The following PPFIA2 variants were observed in gnomAD, a reference collection of about 807,000 sequenced individuals.
PPFIA2 encodes liprin-alpha-2.
A neutral mutation model predicts 175.5 loss-of-function variants in PPFIA2; 46 were observed. The observed-to-expected ratio is 0.26, with a 90% CI of 0.21 to 0.34. PPFIA2 has a LOEUF of 0.34. Among genes scored for constraint, PPFIA2 ranks in the 10% least tolerant of loss-of-function variants. The pLI is 1.00. For synonymous variants in PPFIA2, 568 were observed against 511.4 expected (o/e 1.11, Z -1.49); for missense variants, 1,179 against 1,506.1 (o/e 0.78, Z 3.60).
intron 4 of PPFIA2, among the ~76,000 whole-genome samples, chr12:81,561,131 A>G (rs571546820): frequency 5.9e-5 from 9 of 152,284 alleles, no homozygotes; most frequent in African/African-American, 1.9e-4. Flanking sequence ...CATTTAAGAT[A>G]ACAGCATCTA....
At chr12:81,726,571 T>TA (rs1269479801) in intron 3 of PPFIA2, among the ~76,000 whole-genome samples, 1 of 151,308 alleles carries the variant, frequency 6.6e-6, no homozygotes, top group Non-Finnish European at 1.5e-5. Flanking sequence ...ATAGTTGAGT[T>TA]AGACACCAGC....
At chr12:81,392,144 G>A (rs2040244754) in intron 8 of PPFIA2, among the ~76,000 whole-genome samples, 1 of 151,880 alleles carries the variant, frequency 6.6e-6, no homozygotes, top group Non-Finnish European at 1.5e-5. Context: ...TTAGACCAGG[G>A]TAATAGGACT....
intron 6 of PPFIA2, among the ~76,000 whole-genome samples, chr12:81,443,556 A>C (rs1053695886): frequency 6.6e-6 from 1 of 152,138 alleles, no homozygotes; most frequent in East Asian, 1.9e-4. Context: ...TACTCACACG[A>C]CCAGGTTATT....
chr12:81,343,869 T>C (rs561593811), intron 19 of PPFIA2, among the ~76,000 whole-genome samples: 96 of 152,112 alleles, frequency 6.3e-4, no homozygotes, highest in Non-Finnish European at 1.2e-3. Flanking sequence ...CCTCTAACCC[T>C]AGGGATAGTT....
rs114608942 is a variant in PPFIA2, at chr12:81,635,949, A to C, written c.303+40842T>G. ...ACACACACACACACACACACACGTG[A>C]AATGTTTGAATTTTAGAAACAAAGA... is the stretch of plus-strand genomic sequence containing the variant. On this transcript the variant is annotated intron_variant, in intron 4 of 32. Transcript: ENST00000549396. Among the ~76,000 whole-genome samples the C allele has an allele frequency of 2.9e-3, 442 of 150,212 alleles. 2 individuals are homozygous for C. The highest frequency in any genetic ancestry group is 0.01 in the African/African-American group (421 of 41,378).
intron 7 of PPFIA2, among the ~76,000 whole-genome samples, chr12:81,413,380 G>A (rs960828755): frequency 1.3e-5 from 2 of 151,762 alleles, no homozygotes; most frequent in African/African-American, 4.8e-5. Context: ...GAACTTGAAG[G>A]TCTTTCAAAT....
At chr12:81,590,617 T>C (rs2058564322) in intron 4 of PPFIA2, among the ~76,000 whole-genome samples, 1 of 151,930 alleles carries the variant, frequency 6.6e-6, no homozygotes, top group Admixed American at 6.6e-5. Flanking sequence ...TGGGAGGTGA[T>C]TGAATTATGG....
At chr12:81,658,875 A>C (rs2068263159) in intron 4 of PPFIA2, among the ~76,000 whole-genome samples, 1 of 152,172 alleles carries the variant, frequency 6.6e-6, no homozygotes, top group Non-Finnish European at 1.5e-5. Flanking sequence ...TCCATTTTTG[A>C]CAAAACTATG....
At chr12:81,723,089 T>C (rs1596835087) in intron 3 of PPFIA2, among the ~76,000 whole-genome samples, 2 of 151,240 alleles carry the variant, frequency 1.3e-5, no homozygotes, top group Non-Finnish European at 1.5e-5. Context: ...AGTGCACATA[T>C]TAAAGCATAT....
chr12:81,469,257 CT>C (rs2056304203), intron 4 of PPFIA2, among the ~76,000 whole-genome samples: 1 of 152,144 alleles, frequency 6.6e-6, no homozygotes, highest in Non-Finnish European at 1.5e-5. Context: ...AAAACTGACA[CT>C]TTGATTATTT....
At chr12:81,455,150 C>G (rs2053363269) in intron 5 of PPFIA2, among the ~76,000 whole-genome samples, 1 of 152,150 alleles carries the variant, frequency 6.6e-6, no homozygotes, top group African/African-American at 2.4e-5. Flanking sequence ...AGCACAACAT[C>G]TAGAAAGAGA....
At chr12:81,676,491 A>G (rs1017451739) in intron 4 of PPFIA2, among the ~76,000 whole-genome samples, 8 of 152,062 alleles carry the variant, frequency 5.3e-5, no homozygotes, top group African/African-American at 1.7e-4. Flanking sequence ...ACTCATATTT[A>G]GAAAAACAAA....
chr12:81,504,507 A>G (rs2060936391), intron 4 of PPFIA2, among the ~76,000 whole-genome samples: 1 of 152,176 alleles, frequency 6.6e-6, no homozygotes, highest in African/African-American at 2.4e-5. Flanking sequence ...GATGCTGGAG[A>G]GGACATGGAG....
chr12:81,357,963 T>C, intron 16 of PPFIA2, 119 bp downstream of exon 16: 1 of 1,062,720 alleles, frequency 9.4e-7, no homozygotes, highest in Non-Finnish European at 1.3e-6. Flanking sequence ...TGTCATACTC[T>C]GTGTTTCAAA....
intron 4 of PPFIA2, among the ~76,000 whole-genome samples, chr12:81,560,615 A>C (rs1454044914): frequency 6.6e-6 from 1 of 152,164 alleles, no homozygotes; most frequent in Non-Finnish European, 1.5e-5. Flanking sequence ...CAGATCTTAA[A>C]ATTTTGGTCT....
intron 4 of PPFIA2, among the ~76,000 whole-genome samples, chr12:81,556,011 G>A (rs951252345): frequency 6.6e-6 from 1 of 151,814 alleles, no homozygotes. Context: ...ACTAAGAAAT[G>A]TTTATGTTTA....
chr12:81,272,350 A>G (rs576483846), intron 28 of PPFIA2, among the ~76,000 whole-genome samples: 9 of 152,084 alleles, frequency 5.9e-5, no homozygotes, highest in Admixed American at 1.3e-4. Flanking sequence ...ACCATGTCCA[A>G]TATGTCTCTA....
chr12:81,473,030 T>C (rs1187795706), intron 4 of PPFIA2: 2 of 152,236 alleles, frequency 1.3e-5, no homozygotes, highest in Admixed American at 1.3e-4. Flanking sequence ...AACTCTTGAA[T>C]TCTCTCTATC....
In PPFIA2 at chr12:81,632,146, G is replaced by A. The variant is rs188441518; in HGVS notation, c.303+44645C>T. On this transcript the variant is annotated intron_variant, in intron 4 of 32. Coordinates refer to ENST00000549396, the MANE Select transcript of PPFIA2 (RefSeq NM_003625.5). ...ACAGAAAATGCAGAAGTGAGAACTTGGTTTGTGTTTTATAATTTTAAGTAT... is the reference window on the plus strand; with the variant it reads ...ACAGAAAATGCAGAAGTGAGAACTTAGTTTGTGTTTTATAATTTTAAGTAT... Among the ~76,000 whole-genome samples, 253 of 152,066 alleles carry A rather than the reference G, an allele frequency of 1.7e-3. 1 individual carries two copies. The highest frequency in any genetic ancestry group is 4.9e-3 in the African/African-American group (202 of 41,500).
Sources: allele counts gnomAD v4.1 joint callset (sites outside exome capture counted in the v4.1 genomes callset), GRCh38; gene constraint gnomAD v4.1.1; transcripts MANE v1.5; gene names NCBI Gene and HGNC (gene_info 2026-07-23, HGNC 2026-07-21).